Variants in NRXN1 observed in about 807,000 individuals in gnomAD.
The protein encoded by NRXN1 is neurexin-1.
NRXN1 carries 39 observed loss-of-function variants against 150.9 expected under a neutral mutation model. That is an observed-to-expected ratio of 0.26 (90% CI 0.20 to 0.34). The LOEUF is 0.34. NRXN1 is among the 10% of genes least tolerant of loss of function. NRXN1 has a pLI of 1.00. For synonymous variants in NRXN1, 924 were observed against 757.0 expected, an observed-to-expected ratio of 1.22 and a Z score of -3.62; for missense variants, 1,815 against 1,949.9, an observed-to-expected ratio of 0.93 and a Z score of 1.30.
At chr2:50,656,523 T>G in intron 5 of NRXN1, 2 of 600,984 alleles carry the variant, frequency 3.3e-6, no homozygotes, top group Non-Finnish European at 3.1e-6. Context: ...GGAAGTTAAT[T>G]TATCCCCTAA....
At chr2:50,897,261 T>C (rs1196702763) in intron 5 of NRXN1, among the ~76,000 whole-genome samples, 1 of 152,218 alleles carries the variant, frequency 6.6e-6, no homozygotes, top group Non-Finnish European at 1.5e-5. Context: ...ATGAGATTAA[T>C]GCCAAACGTC....
In NRXN1 at chr2:51,028,152, G is replaced by C; in HGVS notation, c.122C>G (p.Thr41Arg). 6.5e-7 allele frequency: 1 copy of C among 1,542,178 alleles called. No individual in the cohort carries two copies. The highest frequency in any genetic ancestry group is 8.7e-7 in the Non-Finnish European group (1 of 1,147,308). Reference sequence around the variant, plus strand: ...GCAGGCGTTCCACTTGGGGAAGCGCGTCCATTGGCCCTCGGCGCCCGGAAA... The same window carrying C: ...GCAGGCGTTCCACTTGGGGAAGCGCCTCCATTGGCCCTCGGCGCCCGGAAA... ...LEFPGAEGQW[T>R]RFPKWNACCE... Residue 41 changes from threonine (T) to arginine (R), a missense_variant, in exon 2 of 23, where the codon ACG becomes AGG. Physicochemically the swap from Thr to Arg is moderately conservative, Grantham distance 71 (BLOSUM62 -1). Around this residue, in one of 6 missense-constraint regions of NRXN1, gnomAD observed 554 missense variants for 478.8 expected, o/e 1.16. Transcript: ENST00000401669.
intron 17 of NRXN1, among the ~76,000 whole-genome samples, chr2:50,353,440 T>A (rs560562425): frequency 1.3e-5 from 2 of 152,240 alleles, no homozygotes; most frequent in South Asian, 4.1e-4. Context: ...GTGTTCATAA[T>A]GTAGCGTGAC....
At chr2:50,437,655 A>C (rs2085558212) in intron 17 of NRXN1, among the ~76,000 whole-genome samples, 1 of 152,120 alleles carries the variant, frequency 6.6e-6, no homozygotes, top group African/African-American at 2.4e-5. Flanking sequence ...TCTTGAAATT[A>C]TGCTAGTCAG....
At chr2:50,598,402 T>TA (rs1414187945) in intron 8 of NRXN1, among the ~76,000 whole-genome samples, 1 of 151,292 alleles carries the variant, frequency 6.6e-6, no homozygotes, top group Non-Finnish European at 1.5e-5. Flanking sequence ...TATAAAAAAT[T>TA]AAAAAAATAA....
intron 15 of NRXN1, among the ~76,000 whole-genome samples, chr2:50,484,888 GTTTTA>G (rs1393678033): frequency 6.6e-6 from 1 of 152,164 alleles, no homozygotes; most frequent in Non-Finnish European, 1.5e-5. Context: ...AATAGAAAGT[GTTTTA>G]TTTTATGATA....
intron 21 of NRXN1, among the ~76,000 whole-genome samples, chr2:50,040,404 C>T (rs1234357666): frequency 1.3e-5 from 2 of 151,118 alleles, no homozygotes; most frequent in African/African-American, 2.4e-5. Context: ...ACATAATTCA[C>T]AGGAGAGAAA....
chr2:50,268,291 G>C (rs2069137274), intron 17 of NRXN1, among the ~76,000 whole-genome samples: 1 of 152,166 alleles, frequency 6.6e-6, no homozygotes, highest in Non-Finnish European at 1.5e-5. Context: ...AGCCAATTAT[G>C]ACTGAAAATT....
At chr2:49,973,459 A>T (rs1573147719) in intron 21 of NRXN1, among the ~76,000 whole-genome samples, 1 of 152,102 alleles carries the variant, frequency 6.6e-6, no homozygotes, top group Admixed American at 6.6e-5. Flanking sequence ...TGAAAATCCC[A>T]CTCTGCCACA....
intron 19 of NRXN1, among the ~76,000 whole-genome samples, chr2:50,071,630 G>A (rs931410200): frequency 6.6e-5 from 10 of 152,192 alleles, no homozygotes; most frequent in African/African-American, 9.7e-5. Context: ...CCAGCCTCCA[G>A]AACTGTGAGA....
At chr2:50,693,742 G>C (rs1217934107) in intron 5 of NRXN1, among the ~76,000 whole-genome samples, 3 of 152,114 alleles carry the variant, frequency 2.0e-5, no homozygotes, top group African/African-American at 7.2e-5. Context: ...CAAAATTGCA[G>C]ATATGTCTGC....
intron 1 of NRXN1, among the ~76,000 whole-genome samples, chr2:51,030,200 G>C (rs780823276): frequency 2.0e-5 from 3 of 151,976 alleles, no homozygotes; most frequent in African/African-American, 7.3e-5. Flanking sequence ...TCAAGGAAGT[G>C]CATTATTTTT....
chr2:50,460,502 A>C (rs1177497357), intron 17 of NRXN1, among the ~76,000 whole-genome samples: 1 of 152,080 alleles, frequency 6.6e-6, no homozygotes, highest in Non-Finnish European at 1.5e-5. Flanking sequence ...ATATAGATAC[A>C]GACTGAAACT....
chr2:50,952,263 A>G (rs1006023795), intron 2 of NRXN1, among the ~76,000 whole-genome samples: 2 of 152,114 alleles, frequency 1.3e-5, no homozygotes, highest in Non-Finnish European at 2.9e-5. Flanking sequence ...ACGAATAAAT[A>G]TATTTTATAA....
At chr2:50,154,466 A>G (rs1227255410) in intron 18 of NRXN1, among the ~76,000 whole-genome samples, 1 of 151,744 alleles carries the variant, frequency 6.6e-6, no homozygotes, top group Non-Finnish European at 1.5e-5. Context: ...AGATACAATG[A>G]GATAAATAGA....
At chr2:50,334,401 C>T (rs1044736249) in intron 17 of NRXN1, among the ~76,000 whole-genome samples, 5 of 151,912 alleles carry the variant, frequency 3.3e-5, no homozygotes, top group Admixed American at 6.5e-5. Context: ...GTGTTTTCTG[C>T]TCATGCTTAA....
chr2:50,948,047 T>G (rs918373539), intron 2 of NRXN1, among the ~76,000 whole-genome samples: 1 of 151,330 alleles, frequency 6.6e-6, no homozygotes, highest in Non-Finnish European at 1.5e-5. Context: ...TTTATTTTAT[T>G]TTAAAATATA....
intron 17 of NRXN1, among the ~76,000 whole-genome samples, chr2:50,302,362 G>A (rs192269533): frequency 6.6e-6 from 1 of 152,056 alleles, no homozygotes. Flanking sequence ...TTGTATTCTT[G>A]AAATAATGAA....
At chr2:50,715,829 T>C (rs1361341002) in intron 5 of NRXN1, among the ~76,000 whole-genome samples, 6 of 152,214 alleles carry the variant, frequency 3.9e-5, no homozygotes, top group Admixed American at 6.5e-5. Flanking sequence ...TTAATCTCCA[T>C]ATATTGATCT....
Sources: gnomAD v4.1 joint callset for allele counts (sites outside exome capture counted in the v4.1 genomes callset) on GRCh38, gnomAD v4.1.1 for gene constraint, gnomAD v4.1.1 regional missense constraint, MANE v1.5 for transcripts, NCBI Gene and HGNC (gene_info 2026-07-23, HGNC 2026-07-21) for gene names.